Variants in ZNF831 observed in about 807,000 individuals in gnomAD.
The protein encoded by ZNF831 is zinc finger protein 831.
A neutral mutation model predicts 95.8 loss-of-function variants in ZNF831; 59 were observed. The ratio of observed to expected loss-of-function variants is 0.62; its 90% CI spans 0.50 to 0.77. The LOEUF (loss-of-function observed/expected upper bound fraction) is 0.77. Ranked by LOEUF, ZNF831 falls within the 30% of genes least tolerant of loss-of-function variation. The pLI, the probability that ZNF831 is intolerant of heterozygous loss-of-function variation, is 0.00. For missense variants in ZNF831, 2,205 were observed against 2,164.0 expected (o/e 1.02, Z -0.38); for synonymous variants, 961 against 925.5 (o/e 1.04, Z -0.70).
At chr20:59,124,719 C>A (rs985040640) in intron 1 of ZNF831, among the ~76,000 whole-genome samples, 7 of 152,224 alleles carry the variant, frequency 4.6e-5, no homozygotes, top group African/African-American at 1.4e-4. Flanking sequence ...CTCTCTGAAC[C>A]TCAGATCTCT....
At chr20:59,235,087 G>A (rs1027990045) in intron 4 of ZNF831, among the ~76,000 whole-genome samples, 10 of 152,074 alleles carry the variant, frequency 6.6e-5, no homozygotes, top group Admixed American at 4.6e-4. Flanking sequence ...ATGGCACTTT[G>A]GAGGACTGGT....
rs182888942 is a variant in ZNF831 at position 59,246,227 on chromosome 20, C to A, written c.4028-6751C>A. Reference sequence around the variant, plus strand: ...TCTTCTCTCTCTGTGCCTTCACTCTCCTTCTCTGACAGGACTTCCGACATC... The same window carrying A: ...TCTTCTCTCTCTGTGCCTTCACTCTACTTCTCTGACAGGACTTCCGACATC... On this transcript the variant is annotated intron_variant, in intron 4 of 5. Transcript: ENST00000371030. Among the ~76,000 whole-genome samples, 653 of 152,138 alleles carry A rather than the reference C, an allele frequency of 4.3e-3. 3 individuals are homozygous for A. The highest frequency in any genetic ancestry group is 0.015 in the African/African-American group (621 of 41,410).
rs2146575686 is a variant in ZNF831 at position 59,193,012 on chromosome 20, G to T, written c.1993G>T (p.Ala665Ser). 1.3e-6 allele frequency: 2 copies of T among 1,574,312 alleles called. No homozygotes were observed. The highest frequency in any genetic ancestry group is 2.4e-5 in the South Asian group (2 of 82,668). ...ELGFPLQKEA[A>S]GSSGTVPTQD... ...GGGCTTTCCTCTGCAGAAAGAGGCAGCAGGGAGCTCAGGCACAGTCCCCAC... is the reference window on the plus strand; with the variant it reads ...GGGCTTTCCTCTGCAGAAAGAGGCATCAGGGAGCTCAGGCACAGTCCCCAC... Residue 665 changes from alanine to serine, a missense_variant, in exon 2 of 6, where the codon GCA (alanine) becomes TCA (serine). Coordinates refer to ENST00000371030, the MANE Select transcript of ZNF831 (RefSeq NM_178457.3).
At chr20:59,162,773 C>CGG, upstream of ZNF831, among the ~76,000 whole-genome samples, 1 of 152,144 alleles carries the variant, frequency 6.6e-6, no homozygotes, top group East Asian at 1.9e-4. Flanking sequence ...TTTGGCTATT[C>CGG]GGGCTCCTTT....
chr20:59,155,457 C>T (rs1170866283), intron 2 of ZNF831, among the ~76,000 whole-genome samples: 1 of 152,196 alleles, frequency 6.6e-6, no homozygotes, highest in Non-Finnish European at 1.5e-5. Flanking sequence ...ACTGGCTGGG[C>T]TCTGGTGAGA....
At chr20:59,223,117 A>AGGAAGGGGGCCTTGGAGGAGGTC (rs1986208549) in intron 4 of ZNF831, among the ~76,000 whole-genome samples, 1 of 152,148 alleles carries the variant, frequency 6.6e-6, no homozygotes, top group Non-Finnish European at 1.5e-5. Context: ...AGGAGGAGGC[A>AGGAAGGGGGCCTTGGAGGAGGTC]GGAAGGGGGC....
intron 1 of ZNF831, among the ~76,000 whole-genome samples, chr20:59,186,000 G>T (rs1240945065): frequency 6.6e-6 from 1 of 152,152 alleles, no homozygotes; most frequent in Non-Finnish European, 1.5e-5. Context: ...GGCTCCCTGT[G>T]GCCACAGAGC....
intron 4 of ZNF831, among the ~76,000 whole-genome samples, chr20:59,211,197 G>A (rs967250405): frequency 3.3e-5 from 5 of 152,160 alleles, no homozygotes; most frequent in African/African-American, 9.7e-5. Flanking sequence ...AGGTAATAAG[G>A]CCCCAGCAAC....
intron 4 of ZNF831, among the ~76,000 whole-genome samples, chr20:59,222,251 C>T (rs1365912627): frequency 1.3e-5 from 2 of 152,196 alleles, no homozygotes; most frequent in East Asian, 3.9e-4. Context: ...GGGGGTCGAG[C>T]TCAGCGAAGC....
At chr20:59,189,824 C>T (rs151130887) in intron 1 of ZNF831, among the ~76,000 whole-genome samples, 68 of 152,270 alleles carry the variant, frequency 4.5e-4, no homozygotes, top group African/African-American at 1.5e-3. Flanking sequence ...CTACTACTTC[C>T]GCCACACCCT....
At chr20:59,182,060 C>A (rs1193185624) in intron 1 of ZNF831, among the ~76,000 whole-genome samples, 1 of 152,180 alleles carries the variant, frequency 6.6e-6, no homozygotes, top group African/African-American at 2.4e-5. Context: ...TACTTCTCAA[C>A]TCCTTGATCT....
intron 4 of ZNF831, among the ~76,000 whole-genome samples, chr20:59,252,209 G>A (rs956630243): frequency 7.9e-5 from 12 of 152,200 alleles, no homozygotes; most frequent in Non-Finnish European, 1.5e-4. Flanking sequence ...TACACAGTTA[G>A]GCTTGACTTT....
In ZNF831 at chr20:59,188,281, A is replaced by T. The variant is rs148122348; in HGVS notation, c.-36-2703A>T. 4.6e-3 allele frequency among the ~76,000 whole-genome samples: 707 copies of T among 152,308 alleles called. 4 individuals carry two copies. The highest frequency in any genetic ancestry group is 0.016 in the African/African-American group (683 of 41,566). On this transcript the variant is annotated intron_variant, in intron 1 of 5. Transcript: ENST00000371030. Reference sequence around the variant, plus strand: ...CCCACCAGTCGTGTTTATGGGTTCTAAATTCTCCACATCCTCACCAACACT... The same window carrying T: ...CCCACCAGTCGTGTTTATGGGTTCTTAATTCTCCACATCCTCACCAACACT...
At chr20:59,127,204 G>A (rs1979200354) in intron 1 of ZNF831, among the ~76,000 whole-genome samples, 1 of 152,128 alleles carries the variant, frequency 6.6e-6, no homozygotes, top group South Asian at 2.1e-4. Flanking sequence ...TTGAAGCATA[G>A]TCTGAATCTG....
intron 1 of ZNF831, among the ~76,000 whole-genome samples, chr20:59,125,975 C>T (rs1394633629): frequency 6.6e-6 from 1 of 151,330 alleles, no homozygotes; most frequent in South Asian, 2.1e-4. Flanking sequence ...ATAAACGACC[C>T]TTGGTGTGTT....
At chr20:59,251,363 T>A (rs954202313) in intron 4 of ZNF831, among the ~76,000 whole-genome samples, 3 of 152,190 alleles carry the variant, frequency 2.0e-5, no homozygotes, top group Admixed American at 2.0e-4. Context: ...CCATGAATCA[T>A]AAATCATATT....
At chr20:59,170,504 T>C (rs1463100120) in intron 1 of ZNF831, among the ~76,000 whole-genome samples, 2 of 152,236 alleles carry the variant, frequency 1.3e-5, no homozygotes, top group Non-Finnish European at 2.9e-5. Flanking sequence ...ACATGCTTTG[T>C]ATGATTTTAA....
intron 4 of ZNF831, among the ~76,000 whole-genome samples, chr20:59,251,277 C>T (rs6100380): frequency 0.03 from 4,586 of 152,232 alleles, 114 homozygotes; most frequent in African/African-American, 0.066. Flanking sequence ...TCGACCCAGG[C>T]TGTGGTGACA....
intron 4 of ZNF831, among the ~76,000 whole-genome samples, chr20:59,236,444 TC>T (rs1987002870): frequency 6.6e-6 from 1 of 152,080 alleles, no homozygotes; most frequent in Admixed American, 6.6e-5. Flanking sequence ...TTTTCTTTTA[TC>T]CTTTTTTTGT....
Sources: gnomAD v4.1 joint callset for allele counts (sites outside exome capture counted in the v4.1 genomes callset) on GRCh38, gnomAD v4.1.1 for gene constraint, MANE v1.5 for transcripts, NCBI Gene and HGNC (gene_info 2026-07-23, HGNC 2026-07-21) for gene names.